TRIM67: variants seen among roughly 807,000 people sequenced by gnomAD.
The protein encoded by TRIM67 is tripartite motif containing 67.
TRIM67 carries 39 observed loss-of-function variants against 71.0 expected under a neutral mutation model. The observed-to-expected ratio is 0.55, with a 90% confidence interval of 0.43 to 0.72. The LOEUF is 0.72. Ranked by LOEUF, TRIM67 falls within the 30% of genes least tolerant of loss-of-function variation. The pLI is 0.00. For missense variants in TRIM67, 973 were observed against 1,079.2 expected (o/e 0.90, Z 1.38); for synonymous variants, 481 against 473.9 (o/e 1.01, Z -0.19).
chr1:231,176,898 CA>C (rs1682762585), intron 1 of TRIM67, among the ~76,000 whole-genome samples: 1 of 48,514 alleles, frequency 2.1e-5, no homozygotes. Context: ...TTTGCCAATA[CA>C]ATCTGGCAAA....
rs1009726109 is a variant in TRIM67, at chr1:231,217,437, C to T, written c.*1997C>T. ...TTGCCCGCACCTCTGCCTCTGTCTC[C>T]CATATCCCTGCAGCTTCATCCTTAG... On this transcript the variant is annotated 3_prime_UTR_variant, in exon 10 of 10. Transcript: ENST00000366653. 1.0e-6 allele frequency: 1 copy of T among 991,250 alleles called. No individual in the cohort carries two copies. The allele number at this position is 991,250 out of a possible 1,614,324, so 61.4% of individuals were successfully genotyped here.
intron 4 of TRIM67, among the ~76,000 whole-genome samples, chr1:231,200,925 G>A (rs1683502712): frequency 6.6e-6 from 1 of 152,100 alleles, no homozygotes; most frequent in Admixed American, 6.6e-5. Flanking sequence ...GAAACACACG[G>A]GCAGGGGGCA....
chr1:231,163,824 A>G lies in TRIM67; in HGVS notation c.855A>G (p.Gly285=). The G allele has an allele frequency of 6.6e-7, 1 of 1,516,480 alleles. No homozygotes were observed. The highest frequency in any genetic ancestry group is 8.9e-7 in the Non-Finnish European group (1 of 1,129,586). The allele number at this position is 1,516,480 out of a possible 1,614,324, so 93.9% of individuals were successfully genotyped here. The change falls in exon 1 of 10, where the codon GGA becomes GGG. Residue 285 remains glycine (G), a synonymous_variant. Transcript: ENST00000366653. ...GAGGCGGCGGCTGCAAGAGCCCGGG[A>G]GGCGCGGGGGCGGGGGCGACTGGGG... The part of the protein sequence containing the change: ...PSGGGGCKSP[G]GAGAGATGGS...
chr1:231,179,890 C>T (rs1281169154), intron 1 of TRIM67, among the ~76,000 whole-genome samples: 1 of 152,066 alleles, frequency 6.6e-6, no homozygotes, highest in East Asian at 1.9e-4. Flanking sequence ...GATTAGAGGG[C>T]ACTGGGTAGG....
chr1:231,180,740 G>A (rs377020125), intron 1 of TRIM67, among the ~76,000 whole-genome samples: 2 of 152,200 alleles, frequency 1.3e-5, no homozygotes, highest in East Asian at 1.9e-4. Context: ...AGGAGAGTAA[G>A]AACTGGCCCC....
chr1:231,220,464 T>C lies in TRIM67; in HGVS notation c.*5024T>C, dbSNP rs1158293781. The stretch of plus-strand genomic sequence containing the variant: ...CTAACCCAGGCCTCTGCCTTCTTTG[T>C]TACCTAAGTTCTGGTATCTAAGGGG... On this transcript the variant is annotated 3_prime_UTR_variant, in exon 10 of 10. Coordinates refer to ENST00000366653, the MANE Select transcript of TRIM67 (RefSeq NM_001004342.5). The C allele has an allele frequency of 6.5e-6, 1 of 153,852 alleles. No homozygotes were observed. Among genetic ancestry groups the C allele is most frequent in the Non-Finnish European group, 1.4e-5 (1 of 69,230 alleles). The allele number at this position is 153,852 out of a possible 1,614,324, so 9.5% of individuals were successfully genotyped here.
intron 1 of TRIM67, among the ~76,000 whole-genome samples, chr1:231,164,702 C>A (rs1372599562): frequency 2.0e-5 from 3 of 152,104 alleles, no homozygotes; most frequent in Non-Finnish European, 4.4e-5. Flanking sequence ...ACCGCAGAGG[C>A]AAGAGGTCTC....
chr1:231,204,885 C>T (rs911137552), intron 6 of TRIM67, among the ~76,000 whole-genome samples: 8 of 152,006 alleles, frequency 5.3e-5, no homozygotes, highest in African/African-American at 1.7e-4. Flanking sequence ...TTGAAAAATA[C>T]AGGAATGTAA....
At chr1:231,200,288 G>A in intron 4 of TRIM67, 30 bp downstream of exon 4, 1 of 1,487,288 alleles carries the variant, frequency 6.7e-7, no homozygotes, top group Non-Finnish European at 9.4e-7. Flanking sequence ...ACACAAAGTG[G>A]GCTTCCTCCA....
chr1:231,176,839 G>A (rs751075040), intron 1 of TRIM67, among the ~76,000 whole-genome samples: 1 of 136,394 alleles, frequency 7.3e-6, no homozygotes, highest in Non-Finnish European at 1.5e-5. Context: ...GGAATAGCCA[G>A]GCTATAATCT....
Position 231,216,164 on chromosome 1 carries a change from T to TCTTCTCTCTCTC in TRIM67, c.*729_*740dup. On this transcript the variant is annotated 3_prime_UTR_variant, in exon 10 of 10. Transcript: ENST00000366653. The stretch of plus-strand genomic sequence containing the variant: ...TCCCTCCCTCCTTCTCTTTCTCTCT[T>TCTTCTCTCTCTC]CTTCTCTCTCTCCTTCCTTCCCTCC... The TCTTCTCTCTCTC allele has an allele frequency of 1.0e-6, 1 of 961,792 alleles. No individual in the cohort carries two copies. The allele number at this position is 961,792 out of a possible 1,614,324, so 59.6% of individuals were successfully genotyped here. A position where few individuals can be genotyped will look rare whatever the true frequency, so the allele number is the denominator to read the frequency against.
In TRIM67 at chr1:231,218,590, CCT is replaced by C. The variant is rs1684071231; in HGVS notation, c.*3157_*3158del. 4.1e-6 allele frequency: 4 copies of C among 985,476 alleles called. No homozygotes were observed. The highest frequency in any genetic ancestry group is 4.8e-6 in the Non-Finnish European group (4 of 829,968). The allele number at this position is 985,476 out of a possible 1,614,324, so 61.0% of individuals were successfully genotyped here. On this transcript the variant is annotated 3_prime_UTR_variant, in exon 10 of 10. Coordinates refer to ENST00000366653, the MANE Select transcript of TRIM67 (RefSeq NM_001004342.5). ...AGGTATTTCCCCAAAGCCTGCTTTT[CCT>C]CTCTCTGTTCTCCTTGGGAAAATAA...
intron 1 of TRIM67, 44 bp downstream of exon 1, chr1:231,164,057 T>C: frequency 7.0e-7 from 1 of 1,435,846 alleles, no homozygotes; most frequent in Non-Finnish European, 9.2e-7. Flanking sequence ...GGGAAGAGGG[T>C]ACGAGGAGAA....
intron 1 of TRIM67, among the ~76,000 whole-genome samples, chr1:231,169,521 G>A (rs1023658702): frequency 4.6e-5 from 7 of 151,514 alleles, no homozygotes; most frequent in Non-Finnish European, 1.0e-4. Context: ...TGAAATTACA[G>A]GCATGCACCA....
chr1:231,215,976 C>T lies in TRIM67; in HGVS notation c.*536C>T. 1.0e-6 allele frequency: 1 copy of T among 986,114 alleles called. No individual in the cohort carries two copies. The allele number at this position is 986,114 out of a possible 1,614,324, so 61.1% of individuals were successfully genotyped here. ...TTGGTCCTAGAGTCTTTAGTAGCAC[C>T]TGCCACTTGCAGACCCAATGCAGGA... On this transcript the variant is annotated 3_prime_UTR_variant, in exon 10 of 10. Transcript: ENST00000366653.
At position 231,162,965 on chromosome 1, in the gene TRIM67, C is replaced by G; in HGVS notation, c.-5C>G. 1 of 1,610,448 alleles carries G rather than the reference C, an allele frequency of 6.2e-7. No individual in the cohort carries two copies. Among genetic ancestry groups the G allele is most frequent in the South Asian group, 1.1e-5 (1 of 90,586 alleles). ...CGCAGAGCAGCGCTGGCAGCCGGCG[C>G]CGCGATGGAGGAAGAGCTGAAGTGT... is the stretch of plus-strand genomic sequence containing the variant. On this transcript the variant is annotated 5_prime_UTR_variant, in exon 1 of 10. Transcript: ENST00000366653.
chr1:231,163,263 C>A lies in TRIM67; in HGVS notation c.294C>A (p.His98Gln), dbSNP rs1347235973. 6.6e-7 allele frequency: 1 copy of A among 1,513,936 alleles called. No homozygotes were observed. Among genetic ancestry groups the A allele is most frequent in the Non-Finnish European group, 8.8e-7 (1 of 1,130,944 alleles). The allele number at this position is 1,513,936 out of a possible 1,614,324, so 93.8% of individuals were successfully genotyped here. A position where few individuals can be genotyped will look rare whatever the true frequency, so the allele number is the denominator to read the frequency against. ...LGGGAGGGGDHADKLSLYSET... is the reference protein window; with the variant it reads ...LGGGAGGGGDQADKLSLYSET... The stretch of plus-strand genomic sequence containing the variant: ...GCGGTGCGGGAGGTGGCGGAGACCA[C>A]GCGGACAAGCTCAGCTTGTACAGCG... Residue 98 changes from histidine (H) to glutamine (Q), a missense_variant, in exon 1 of 10, where the codon CAC becomes CAA. This residue lies in a region of TRIM67 where 795 missense variants were observed against 831.3 expected (regional missense o/e 0.96). Coordinates refer to ENST00000366653, the MANE Select transcript of TRIM67 (RefSeq NM_001004342.5).
intron 8 of TRIM67, among the ~76,000 whole-genome samples, chr1:231,210,216 G>A (rs1360012655): frequency 2.6e-5 from 4 of 152,146 alleles, no homozygotes; most frequent in Non-Finnish European, 5.9e-5. Flanking sequence ...GAAGGGGTGA[G>A]GAACTTCAAG....
chr1:231,181,303 C>T (rs1352670111), intron 1 of TRIM67, among the ~76,000 whole-genome samples: 1 of 152,178 alleles, frequency 6.6e-6, no homozygotes, highest in Non-Finnish European at 1.5e-5. Flanking sequence ...TGGGCTGTAG[C>T]TCCTTTTCCT....
Sources: allele counts gnomAD v4.1 joint callset (sites outside exome capture counted in the v4.1 genomes callset), GRCh38; gene constraint gnomAD v4.1.1; regional missense constraint gnomAD v4.1.1; transcripts MANE v1.5; gene names NCBI Gene and HGNC (gene_info 2026-07-23, HGNC 2026-07-21).